The following HSF5 variants were observed in gnomAD, a reference collection of about 807,000 sequenced individuals.
HSF5 encodes the protein heat shock transcription factor 5, also known as heat shock factor protein 5.
Under a neutral mutation model 50.8 loss-of-function variants are expected in HSF5, and 5 were observed. That is an observed-to-expected ratio of 0.10 (90% confidence interval 0.05 to 0.21). The LOEUF (loss-of-function observed/expected upper bound fraction) is 0.21. Among genes scored for constraint, HSF5 ranks in the 10% least tolerant of loss-of-function variants. The pLI is 1.00. For missense variants in HSF5, 564 were observed against 762.6 expected, an observed-to-expected ratio of 0.74 and a Z score of 3.07; for synonymous variants, 307 against 307.4, an observed-to-expected ratio of 1.00 and a Z score of 0.02.
At chr17:58,484,276 A>G (rs1975138704) in intron 1 of HSF5, among the ~76,000 whole-genome samples, 1 of 152,100 alleles carries the variant, frequency 6.6e-6, no homozygotes, top group African/African-American at 2.4e-5. Context: ...TTGACATATA[A>G]TCTATACTGA....
intron 5 of HSF5, among the ~76,000 whole-genome samples, chr17:58,445,496 TA>T: frequency 6.6e-6 from 1 of 152,308 alleles, no homozygotes; most frequent in South Asian, 2.1e-4. Flanking sequence ...GGAAGCAACC[TA>T]AATGTCTATT....
chr17:58,487,574 C>A (rs1438457649), intron 1 of HSF5, 151 bp downstream of exon 1: 38 of 1,259,418 alleles, frequency 3.0e-5, no homozygotes, highest in Non-Finnish European at 3.5e-5. Context: ...GGCGGGACCG[C>A]CAGTCTCGGG....
At chr17:58,469,098 G>GAAAA (rs60851317) in intron 2 of HSF5, among the ~76,000 whole-genome samples, 1 of 121,106 alleles carries the variant, frequency 8.3e-6, no homozygotes. Flanking sequence ...CTCGGGAAGG[G>GAAAA]AAAAAAAAAA....
intron 3 of HSF5, among the ~76,000 whole-genome samples, chr17:58,466,363 C>T (rs1974866613): frequency 6.6e-6 from 1 of 152,156 alleles, no homozygotes; most frequent in Non-Finnish European, 1.5e-5. Context: ...GACTTACACA[C>T]TTGTAGCGTT....
At chr17:58,460,510 C>CACACACACACAT (rs61690847) in intron 4 of HSF5, among the ~76,000 whole-genome samples, 10 of 137,270 alleles carry the variant, frequency 7.3e-5, no homozygotes, top group Non-Finnish European at 1.1e-4. Flanking sequence ...CACACACACA[C>CACACACACACAT]ATACTTTTTT....
In HSF5 at chr17:58,422,296, A is replaced by C. The variant is rs150325631; in HGVS notation, c.*64T>G. The C allele has an allele frequency of 8.7e-7, 1 of 1,146,184 alleles. No homozygotes were observed. The highest frequency in any genetic ancestry group is 1.5e-5 in the African/African-American group (1 of 64,748). The allele number at this position is 1,146,184 out of a possible 1,614,324, so 71.0% of individuals were successfully genotyped here. A position where few individuals can be genotyped will look rare whatever the true frequency, so the allele number is the denominator to read the frequency against. On this transcript the variant is annotated 3_prime_UTR_variant, in exon 6 of 6. Coordinates refer to ENST00000323777, the MANE Select transcript of HSF5 (RefSeq NM_001080439.3). ...ACTGAAAAAATCCCAACAGTTTGTC[A>C]TGTGCAAGGCTAGTCTGCCTCCAGC...
In HSF5 at chr17:58,487,733, T is replaced by A; in HGVS notation, c.542A>T (p.Glu181Val). ...GGGCAGTCCGGACTCACCGTGCGGC[T>A]CGGGCCGGGGCCCCGCGGGCGGCGG... ...QPPPPAGPRP[E>V]PHGPVAVGQF... Residue 181 changes from glutamate to valine, a missense_variant, in exon 1 of 6, where the codon GAG (glutamate) becomes GTG (valine). Coordinates refer to ENST00000323777, the MANE Select transcript of HSF5 (RefSeq NM_001080439.3). The A allele has an allele frequency of 7.2e-7, 1 of 1,380,190 alleles. No individual in the cohort carries two copies. The highest frequency in any genetic ancestry group is 9.3e-7 in the Non-Finnish European group (1 of 1,078,130). The allele number at this position is 1,380,190 out of a possible 1,614,324, so 85.5% of individuals were successfully genotyped here.
At chr17:58,475,207 C>T (rs945776726) in intron 2 of HSF5, among the ~76,000 whole-genome samples, 1 of 151,924 alleles carries the variant, frequency 6.6e-6, no homozygotes, top group Non-Finnish European at 1.5e-5. Flanking sequence ...AATGAGCCAA[C>T]GATACAAGTA....
chr17:58,476,238 TTCA>T (rs1048828831), intron 2 of HSF5: 77 of 913,886 alleles, frequency 8.4e-5, no homozygotes, highest in Non-Finnish European at 1.2e-4. Context: ...CTTCCTTCTC[TTCA>T]TCATCATCAT....
chr17:58,480,863 C>T (rs1289575394), intron 1 of HSF5, among the ~76,000 whole-genome samples: 6 of 152,118 alleles, frequency 3.9e-5, no homozygotes, highest in African/African-American at 1.4e-4. Context: ...TCTTGGCTCA[C>T]TCTAGCCTCA....
chr17:58,478,188 C>CTT (rs983434013), intron 2 of HSF5, among the ~76,000 whole-genome samples: 1 of 151,688 alleles, frequency 6.6e-6, no homozygotes, highest in African/African-American at 2.4e-5. Context: ...AATCCCAGCA[C>CTT]TTTGGGAGGC....
intron 2 of HSF5, among the ~76,000 whole-genome samples, chr17:58,474,904 T>C (rs1974991418): frequency 6.6e-6 from 1 of 152,216 alleles, no homozygotes; most frequent in Non-Finnish European, 1.5e-5. Flanking sequence ...AGATTGTGCA[T>C]ATATTTTGGT....
At chr17:58,454,255 A>T (rs1974679626) in intron 5 of HSF5, among the ~76,000 whole-genome samples, 3 of 151,204 alleles carry the variant, frequency 2.0e-5, no homozygotes, top group South Asian at 2.1e-4. Context: ...AAAAATAAAT[A>T]AAAAAATAAA....
At chr17:58,444,435 A>ACAAGGGTGCCAAGCC (rs1350273293) in intron 5 of HSF5, among the ~76,000 whole-genome samples, 1 of 152,238 alleles carries the variant, frequency 6.6e-6, no homozygotes, top group East Asian at 1.9e-4. Flanking sequence ...ATGACCTTCA[A>ACAAGGGTGCCAAGCC]CAAGGGTGCC....
rs563553016 is a variant in HSF5 at position 58,420,484 on chromosome 17, T to C, written c.*1876A>G. On this transcript the variant is annotated 3_prime_UTR_variant, in exon 6 of 6. Transcript: ENST00000323777. ...AAGCCTTAAAACAACTGAAACCAAA[T>C]CTATGCCAAGGTTCCTGCTTGACAT... 1 of 152,286 alleles carries C rather than the reference T, an allele frequency of 6.6e-6. No individual in the cohort carries two copies. The highest frequency in any genetic ancestry group is 2.1e-4 in the South Asian group (1 of 4,826). 9.4% of individuals were successfully genotyped at this position (152,286 alleles called of 1,614,324 possible).
chr17:58,422,193 G>A lies in HSF5; in HGVS notation c.*167C>T. The A allele has an allele frequency of 3.4e-6, 2 of 589,292 alleles. No individual in the cohort carries two copies. The highest frequency in any genetic ancestry group is 6.0e-6 in the Non-Finnish European group (2 of 331,388). 36.5% of individuals were successfully genotyped at this position (589,292 alleles called of 1,614,324 possible). On this transcript the variant is annotated 3_prime_UTR_variant, in exon 6 of 6. Transcript: ENST00000323777. ...AGATAATCTGAACTGAACCACTGTA[G>A]TACATACAAATTCCCAATTCTCAAT... is the stretch of plus-strand genomic sequence containing the variant.
intron 5 of HSF5, among the ~76,000 whole-genome samples, chr17:58,434,910 G>A (rs1157849621): frequency 6.6e-6 from 1 of 152,216 alleles, no homozygotes; most frequent in African/African-American, 2.4e-5. Context: ...GGGGATAGCA[G>A]TAGGTCCTAA....
chr17:58,446,756 T>C lies in HSF5; in HGVS notation c.1720+12012A>G, dbSNP rs573939465. 5.9e-5 allele frequency among the ~76,000 whole-genome samples: 9 copies of C among 152,292 alleles called. No homozygotes were observed. In the South Asian group the frequency reaches 1.0e-3, roughly 18 times the overall value. On this transcript the variant is annotated intron_variant, in intron 5 of 5. Coordinates refer to ENST00000323777, the MANE Select transcript of HSF5 (RefSeq NM_001080439.3). ...GGGGTGCGACCCAACACAATACCAG[T>C]TGCAGTAGCTATCTGAGTGCCACGT...
intron 5 of HSF5, among the ~76,000 whole-genome samples, chr17:58,437,523 A>C (rs1258038548): frequency 6.6e-6 from 1 of 152,186 alleles, no homozygotes; most frequent in Non-Finnish European, 1.5e-5. Flanking sequence ...TGAGAAGTTA[A>C]GCATACCCCT....
Sources: allele counts gnomAD v4.1 joint callset (sites outside exome capture counted in the v4.1 genomes callset), GRCh38; gene constraint gnomAD v4.1.1; transcripts MANE v1.5; gene names NCBI Gene and HGNC (gene_info 2026-07-23, HGNC 2026-07-21).